Variants in TP53BP2 observed in about 807,000 individuals in gnomAD.
TP53BP2 encodes apoptosis-stimulating of p53 protein 2.
TP53BP2 carries 62 observed loss-of-function variants against 126.2 expected under a neutral mutation model. The ratio of observed to expected loss-of-function variants is 0.49; its 90% CI spans 0.40 to 0.61. The LOEUF (loss-of-function observed/expected upper bound fraction) is 0.61. Among genes scored for constraint, TP53BP2 ranks in the 20% least tolerant of loss-of-function variants. The pLI, the probability that TP53BP2 is intolerant of heterozygous loss-of-function variation, is 0.00. For missense variants in TP53BP2, 1,215 were observed against 1,402.8 expected, an observed-to-expected ratio of 0.87 and a Z score of 2.14; for synonymous variants, 485 against 502.9, an observed-to-expected ratio of 0.96 and a Z score of 0.48.
Position 223,796,222 on chromosome 1 carries a change from C to T in TP53BP2, c.2317G>A (p.Val773Ile), listed in dbSNP as rs1380491312. 3.1e-6 allele frequency: 5 copies of T among 1,614,004 alleles called. No individual in the cohort carries two copies. Among genetic ancestry groups the T allele is most frequent in the Admixed American group, 3.3e-5 (2 of 60,002 alleles). The change falls in exon 13 of 18, where the codon GTC becomes ATC. Residue 773 changes from valine (V) to isoleucine (I), a missense_variant. Val to Ile is a conservative substitution (Grantham distance 29). Around this residue, in one of 4 missense-constraint regions of TP53BP2, gnomAD observed 204 missense variants for 225.7 expected, o/e 0.90. Coordinates refer to ENST00000343537, the MANE Select transcript of TP53BP2 (RefSeq NM_001031685.3). The surrounding 1 kb of genome is among the most constrained non-coding windows in gnomAD (Gnocchi z 4.2). ...TTIAAMETIS[V>I]PSYPSKSASV... ...GCTGACTTGGATGGGTATGATGGGA[C>T]AGAGATGGTCTCCATGGCCGCTATG...
At position 223,798,444 on chromosome 1, in the gene TP53BP2, G is replaced by T; in HGVS notation, c.1719C>A (p.Thr573=). Residue 573 remains threonine, a synonymous_variant, in exon 12 of 18, where the codon ACC becomes ACA. Coordinates refer to ENST00000343537, the MANE Select transcript of TP53BP2 (RefSeq NM_001031685.3). ...TTTCTTGCTTAGAACCTGGAGAAAGGGTCTGGTCTTGGCCAACCGAAGGTA... is the reference window on the plus strand; with the variant it reads ...TTTCTTGCTTAGAACCTGGAGAAAGTGTCTGGTCTTGGCCAACCGAAGGTA... The part of the protein sequence containing the change: ...PSIPSVGQDQ[T]LSPGSKQESP... 4 of 1,614,156 alleles carry T rather than the reference G, an allele frequency of 2.5e-6. No homozygotes were observed. The East Asian group carries it at 6.7e-5, about 27-fold the overall frequency.
At chr1:223,816,666 G>A (rs1477582175) in intron 2 of TP53BP2, among the ~76,000 whole-genome samples, 1 of 152,130 alleles carries the variant, frequency 6.6e-6, no homozygotes, top group African/African-American at 2.4e-5. Flanking sequence ...ATAACTTGAT[G>A]AGGAATACAT....
intron 2 of TP53BP2, 109 bp downstream of exon 2, chr1:223,821,111 C>T: frequency 5.7e-6 from 8 of 1,396,400 alleles, no homozygotes; most frequent in Non-Finnish European, 7.9e-6. Context: ...ACGTGCTATT[C>T]TCCAGTTTCT....
intron 11 of TP53BP2, among the ~76,000 whole-genome samples, chr1:223,799,640 T>C (rs1662462801): frequency 1.3e-5 from 2 of 152,212 alleles, no homozygotes; most frequent in Admixed American, 6.5e-5. Flanking sequence ...AAATACAGTG[T>C]TCTTCGATGC....
chr1:223,820,485 A>C (rs186543688), intron 2 of TP53BP2, among the ~76,000 whole-genome samples: 108 of 152,360 alleles, frequency 7.1e-4, no homozygotes, highest in African/African-American at 2.5e-3. Context: ...ACCTTCTAGA[A>C]CATCCAACTG....
intron 13 of TP53BP2, 95 bp from the exon 14 acceptor site, chr1:223,793,535 G>T: frequency 8.0e-7 from 1 of 1,256,028 alleles, no homozygotes; most frequent in South Asian, 2.1e-5. Context: ...CTAAATTAGT[G>T]AGAGGCACTT....
intron 13 of TP53BP2, among the ~76,000 whole-genome samples, chr1:223,793,703 G>A (rs1454974561): frequency 6.6e-6 from 1 of 152,202 alleles, no homozygotes; most frequent in Non-Finnish European, 1.5e-5. Context: ...AATTACGTTT[G>A]GGTTATATGT....
At chr1:223,834,920 T>A in intron 1 of TP53BP2, 1 of 948,054 alleles carries the variant, frequency 1.1e-6, no homozygotes, top group Non-Finnish European at 1.3e-6. Flanking sequence ...GTCCTACTGG[T>A]CTATACATTC....
chr1:223,827,397 G>C (rs1663538316), intron 1 of TP53BP2, among the ~76,000 whole-genome samples: 1 of 152,216 alleles, frequency 6.6e-6, no homozygotes, highest in African/African-American at 2.4e-5. Context: ...AGATGCAAAA[G>C]TGTACAATCA....
chr1:223,803,226 C>T, intron 7 of TP53BP2, 45 bp downstream of exon 7: 1 of 1,553,378 alleles, frequency 6.4e-7, no homozygotes, highest in Non-Finnish European at 8.7e-7. Context: ...AACTCTGTTT[C>T]TGGAAAGGAG....
chr1:223,840,290 A>G (rs541493439), intron 1 of TP53BP2, among the ~76,000 whole-genome samples: 4 of 152,354 alleles, frequency 2.6e-5, no homozygotes, highest in South Asian at 4.1e-4. Flanking sequence ...CCACTGCAAT[A>G]TAACTATACA....
intron 1 of TP53BP2, among the ~76,000 whole-genome samples, chr1:223,832,645 A>G (rs1238713932): frequency 6.6e-6 from 1 of 152,190 alleles, no homozygotes; most frequent in African/African-American, 2.4e-5. Context: ...TAGCCCAACT[A>G]TGACTTCTAA....
At chr1:223,834,319 A>C (rs907247481) in intron 1 of TP53BP2, among the ~76,000 whole-genome samples, 6 of 152,190 alleles carry the variant, frequency 3.9e-5, no homozygotes, top group African/African-American at 1.4e-4. Context: ...CTGATTCAGA[A>C]ACCCCAGAGG....
At chr1:223,781,376 TAA>T (rs983093998) in intron 17 of TP53BP2, among the ~76,000 whole-genome samples, 3 of 152,232 alleles carry the variant, frequency 2.0e-5, no homozygotes, top group African/African-American at 7.2e-5. Context: ...TGCCACAGAT[TAA>T]AAGTCTATAA....
intron 7 of TP53BP2, 82 bp downstream of exon 7, chr1:223,803,189 C>A: frequency 5.5e-6 from 8 of 1,467,442 alleles, no homozygotes; most frequent in Non-Finnish European, 5.5e-6. Flanking sequence ...CAACTGAAAT[C>A]TAGCACCTCT....
At chr1:223,785,193 A>T (rs1310824042) in intron 16 of TP53BP2, among the ~76,000 whole-genome samples, 1 of 152,262 alleles carries the variant, frequency 6.6e-6, no homozygotes. Flanking sequence ...TTTAAAAACC[A>T]GGAAAATACT....
chr1:223,841,224 C>T (rs912346060), intron 1 of TP53BP2, among the ~76,000 whole-genome samples: 1 of 147,568 alleles, frequency 6.8e-6, no homozygotes, highest in Non-Finnish European at 1.5e-5. Flanking sequence ...GCCTGGACTA[C>T]AGAGTGGTGA....
rs1268013842 is a variant in TP53BP2, at chr1:223,796,958, T to C, written c.1949-368A>G. On this transcript the variant is annotated intron_variant, in intron 12 of 17. Transcript: ENST00000343537. This position sits in a 1 kb window ranked among gnomAD's most constrained non-coding sequence, Gnocchi z 4.2. ...CATGTGTCCAGATTAAAACTAAACA[T>C]GTACTATCCCATCTTTCACTTTTCA... 1.3e-5 allele frequency among the ~76,000 whole-genome samples: 2 copies of C among 152,228 alleles called. No individual in the cohort carries two copies. Among genetic ancestry groups the C allele is most frequent in the Non-Finnish European group, 2.9e-5 (2 of 68,036 alleles).
intron 16 of TP53BP2, among the ~76,000 whole-genome samples, chr1:223,785,888 A>G (rs1370265412): frequency 6.6e-6 from 1 of 152,112 alleles, no homozygotes; most frequent in Non-Finnish European, 1.5e-5. Flanking sequence ...GAGTAAAAGG[A>G]ACCCTCTGCT....
Sources: allele counts gnomAD v4.1 joint callset (sites outside exome capture counted in the v4.1 genomes callset), GRCh38; gene constraint gnomAD v4.1.1; regional missense constraint gnomAD v4.1.1; non-coding constraint Gnocchi (gnomAD v3.1); transcripts MANE v1.5; gene names NCBI Gene and HGNC (gene_info 2026-07-23, HGNC 2026-07-21).